Variants in DHDH observed in about 807,000 individuals in gnomAD.
The protein encoded by DHDH is trans-1,2-dihydrobenzene-1,2-diol dehydrogenase.
A neutral mutation model predicts 33.2 loss-of-function variants in DHDH; 29 were observed. The observed-to-expected ratio is 0.87, with a 90% confidence interval of 0.65 to 1.19. DHDH has a LOEUF of 1.19. DHDH is among the 50% of genes most tolerant of loss of function. DHDH has a pLI of 0.00. For missense variants in DHDH, 431 were observed against 455.0 expected, an observed-to-expected ratio of 0.95 and a Z score of 0.48; for synonymous variants, 201 against 187.9, an observed-to-expected ratio of 1.07 and a Z score of -0.57.
chr19:48,933,586 C>G, upstream of DHDH: 2 of 761,394 alleles, frequency 2.6e-6, no homozygotes, highest in South Asian at 1.5e-5. Flanking sequence ...ACCGCTCTGC[C>G]GACTGGAGCC....
intron 4 of DHDH, among the ~76,000 whole-genome samples, chr19:48,941,256 C>T (rs761303524): frequency 2.6e-5 from 4 of 152,118 alleles, no homozygotes; most frequent in Non-Finnish European, 4.4e-5. Context: ...CCATTCATAT[C>T]GTGGTGTGAG....
chr19:48,941,406 GT>G lies in DHDH; in HGVS notation c.620-1033del, dbSNP rs576066998. 2.7e-3 allele frequency among the ~76,000 whole-genome samples: 409 copies of G among 152,132 alleles called. 2 individuals carry two copies. The highest frequency in any genetic ancestry group is 1.1e-3 in the Non-Finnish European group (73 of 67,998). ...TGTAATTTTTGTTTTTTTTTAGATA[GT>G]ATCTCACTTTGCCACCCAGGGTAGA... is the stretch of plus-strand genomic sequence containing the variant. On this transcript the variant is annotated intron_variant, in intron 4 of 6. Transcript: ENST00000221403.
chr19:48,936,141 G>A lies in DHDH; in HGVS notation c.312G>A (p.Ala104=), dbSNP rs1030530741. The A allele has an allele frequency of 5.6e-6, 9 of 1,608,958 alleles. No homozygotes were observed. The highest frequency in any genetic ancestry group is 5.0e-5 in the Admixed American group (3 of 59,770). Residue 104 remains alanine, a synonymous_variant, in exon 3 of 7, where the codon GCG becomes GCA. Coordinates refer to ENST00000221403, the MANE Select transcript of DHDH (RefSeq NM_014475.4). Reference sequence around the variant, plus strand: ...AGAAGCCCACGGGCGTGAACGCGGCGGAAGTTCGCGAGATGGTCGCGGAGG... The same window carrying A: ...AGAAGCCCACGGGCGTGAACGCGGCAGAAGTTCGCGAGATGGTCGCGGAGG... The part of the protein sequence containing the change: ...LCEKPTGVNA[A]EVREMVAEAR...
intron 5 of DHDH, 63 bp from the exon 6 acceptor site, chr19:48,944,294 C>A: frequency 6.2e-7 from 1 of 1,608,486 alleles, no homozygotes; most frequent in Non-Finnish European, 8.5e-7. Context: ...TGGCATGTTC[C>A]TGGAGGCAGC....
rs1289238628 is a variant in DHDH at position 48,935,053 on chromosome 19, A to G, written c.144A>G (p.Lys48=). The change falls in exon 2 of 7, where the codon AAA becomes AAG. Residue 48 remains lysine (K), a synonymous_variant. Coordinates refer to ENST00000221403, the MANE Select transcript of DHDH (RefSeq NM_014475.4). ...DLSRAKEFAQ[K]HDIPKAYGSY... is the part of the protein sequence containing the mutation. ...GCCGTGCGAAGGAGTTTGCACAGAA[A>G]CACGACATCCCCAAGGCCTACGGCT... The G allele has an allele frequency of 1.9e-6, 3 of 1,593,774 alleles. No individual in the cohort carries two copies. Among genetic ancestry groups the G allele is most frequent in the Non-Finnish European group, 2.6e-6 (3 of 1,172,046 alleles).
chr19:48,936,092 C>T lies in DHDH; in HGVS notation c.263C>T (p.Ala88Val), dbSNP rs1283766606. The change falls in exon 3 of 7, where the codon GCG becomes GTG. Residue 88 changes from alanine to valine, a missense_variant. Coordinates refer to ENST00000221403, the MANE Select transcript of DHDH (RefSeq NM_014475.4). ...QHKAAVMLCL[A>V]AGKAVLCEKP... The stretch of plus-strand genomic sequence containing the variant: ...AAGGCGGCGGTGATGCTGTGCTTGG[C>T]GGCGGGCAAGGCCGTTCTGTGCGAG... The T allele has an allele frequency of 1.2e-6, 2 of 1,610,762 alleles. No individual in the cohort carries two copies. The highest frequency in any genetic ancestry group is 1.7e-5 in the Admixed American group (1 of 59,612).
At chr19:48,941,984 T>TGATGTG (rs2037866975) in intron 4 of DHDH, among the ~76,000 whole-genome samples, 1 of 117,926 alleles carries the variant, frequency 8.5e-6, no homozygotes, top group African/African-American at 3.5e-5. Flanking sequence ...AGACTGTACT[T>TGATGTG]CGTGTGTGTG....
In DHDH at chr19:48,944,867, C is replaced by T. The variant is rs1189133143; in HGVS notation, c.939C>T (p.Leu313=). The T allele has an allele frequency of 3.7e-6, 6 of 1,613,940 alleles. No individual in the cohort carries two copies. In the African/African-American group the frequency reaches 5.3e-5, roughly 14 times the overall value. The change falls in exon 7 of 7, where the codon CTC becomes CTT. Residue 313 remains leucine, a synonymous_variant. Coordinates refer to ENST00000221403, the MANE Select transcript of DHDH (RefSeq NM_014475.4). Reference sequence around the variant, plus strand: ...TGATTCCCCTGTCGGAAAGTGAGCTCCTGGCTGACATCCTTGAAGAGGTGA... The same window carrying T: ...TGATTCCCCTGTCGGAAAGTGAGCTTCTGGCTGACATCCTTGAAGAGGTGA... The part of the protein sequence containing the change: ...SPVIPLSESE[L]LADILEEVRK...
chr19:48,944,374 G>C lies in DHDH; in HGVS notation c.762G>C (p.Trp254Cys). 2 of 1,614,068 alleles carry C rather than the reference G, an allele frequency of 1.2e-6. No homozygotes were observed. The highest frequency in any genetic ancestry group is 1.7e-6 in the Non-Finnish European group (2 of 1,179,990). The change falls in exon 6 of 7, where the codon TGG becomes TGC. Residue 254 changes from tryptophan to cysteine, a missense_variant. By Grantham distance (215) the Trp-to-Cys change is radical. Transcript: ENST00000221403. ...CCCTCCAGCTCCTCAACCCCTGCTGGTGCCCGACCGAGCTGGTGGTGAAGG... is the reference window on the plus strand; with the variant it reads ...CCCTCCAGCTCCTCAACCCCTGCTGCTGCCCGACCGAGCTGGTGGTGAAGG... ...KGMVQLLNPC[W>C]CPTELVVKGE... is the part of the protein sequence containing the mutation.
At chr19:48,933,636 G>A (rs2037732214), upstream of DHDH, 13 of 1,322,310 alleles carry the variant, frequency 9.8e-6, no homozygotes, top group East Asian at 2.3e-4. Flanking sequence ...CGGAGGATGG[G>A]GACCCGCCCC....
At chr19:48,942,635 G>A (rs2037881749) in intron 5 of DHDH, 71 bp downstream of exon 5, 3 of 1,550,606 alleles carry the variant, frequency 1.9e-6, no homozygotes, top group Non-Finnish European at 2.6e-6. Flanking sequence ...GGCCTCTGGA[G>A]CTAGATGAGA....
chr19:48,940,734 A>G (rs945371919), intron 4 of DHDH, among the ~76,000 whole-genome samples: 14 of 152,124 alleles, frequency 9.2e-5, no homozygotes, highest in African/African-American at 3.1e-4. Context: ...GTGTGCACCT[A>G]TAGTCCGGCT....
In DHDH at chr19:48,944,912, C is replaced by T. The variant is rs753388376; in HGVS notation, c.984C>T (p.Thr328=). 1 of 1,614,100 alleles carries T rather than the reference C, an allele frequency of 6.2e-7. No homozygotes were observed. The highest frequency in any genetic ancestry group is 2.2e-5 in the East Asian group (1 of 44,874). The change falls in exon 7 of 7, where the codon ACC becomes ACT. Residue 328 remains threonine (T), a synonymous_variant. Transcript: ENST00000221403. Reference sequence around the variant, plus strand: ...AGGTGAGGAAGGCCATTGGAGTCACCTTCCCCCAAGACAAACGCTGATGTA... The same window carrying T: ...AGGTGAGGAAGGCCATTGGAGTCACTTTCCCCCAAGACAAACGCTGATGTA... ...LEEVRKAIGV[T]FPQDKR
In DHDH at chr19:48,944,899, C is replaced by T. The variant is rs139766244; in HGVS notation, c.971C>T (p.Ala324Val). The change falls in exon 7 of 7, where the codon GCC (alanine) becomes GTC (valine). Residue 324 changes from alanine (A) to valine (V), a missense_variant. Coordinates refer to ENST00000221403, the MANE Select transcript of DHDH (RefSeq NM_014475.4). Reference sequence around the variant, plus strand: ...GACATCCTTGAAGAGGTGAGGAAGGCCATTGGAGTCACCTTCCCCCAAGAC... The same window carrying T: ...GACATCCTTGAAGAGGTGAGGAAGGTCATTGGAGTCACCTTCCCCCAAGAC... ...LADILEEVRK[A>V]IGVTFPQDKR 9.8e-4 allele frequency: 1,579 copies of T among 1,613,970 alleles called. 3 individuals carry two copies. Among genetic ancestry groups the T allele is most frequent in the Non-Finnish European group, 1.2e-3 (1,442 of 1,180,006 alleles).
At chr19:48,932,964 A>G (rs987186183), upstream of DHDH, among the ~76,000 whole-genome samples, 1 of 152,200 alleles carries the variant, frequency 6.6e-6, no homozygotes, top group Non-Finnish European at 1.5e-5. Context: ...TCCAAAAGCA[A>G]TACAGCCAAG....
chr19:48,944,312 G>A (rs2037908317), intron 5 of DHDH, 45 bp from the exon 6 acceptor site: 14 of 1,611,572 alleles, frequency 8.7e-6, no homozygotes, highest in Non-Finnish European at 1.2e-5. Flanking sequence ...AGCCTCAGCA[G>A]CACCGTTGGT....
At chr19:48,942,169 T>G (rs1014852271) in intron 4 of DHDH, among the ~76,000 whole-genome samples, 2 of 152,044 alleles carry the variant, frequency 1.3e-5, no homozygotes, top group South Asian at 4.1e-4. Flanking sequence ...CACGCCTGGC[T>G]AATTTTTTGT....
intron 6 of DHDH, 97 bp downstream of exon 6, chr19:48,944,604 C>T (rs1355616735): frequency 2.7e-5 from 40 of 1,506,158 alleles, no homozygotes; most frequent in Admixed American, 6.4e-5. Context: ...AACTACATCT[C>T]CCAGGAGGTT....
chr19:48,944,639 G>A (rs1018464125), intron 6 of DHDH, 132 bp downstream of exon 6: 26 of 1,373,026 alleles, frequency 1.9e-5, no homozygotes, highest in African/African-American at 2.9e-5. Context: ...TTGCACCACT[G>A]CACTCCAGCC....
Sources: gnomAD v4.1 joint callset for allele counts (sites outside exome capture counted in the v4.1 genomes callset) on GRCh38, gnomAD v4.1.1 for gene constraint, MANE v1.5 for transcripts, NCBI Gene and HGNC (gene_info 2026-07-23, HGNC 2026-07-21) for gene names.